The following CACNB2 variants were observed in gnomAD, a reference collection of about 807,000 sequenced individuals.
CACNB2 encodes voltage-dependent L-type calcium channel subunit beta-2.
A neutral mutation model predicts 73.3 loss-of-function variants in CACNB2; 42 were observed. The ratio of observed to expected loss-of-function variants is 0.57; its 90% CI spans 0.45 to 0.74. The LOEUF is 0.74. Ranked by LOEUF, CACNB2 falls within the 30% of genes least tolerant of loss-of-function variation. The pLI, the probability that CACNB2 is intolerant of heterozygous loss-of-function variation, is 0.00. For missense variants in CACNB2, 940 were observed against 853.0 expected (o/e 1.10, Z -1.27); for synonymous variants, 348 against 310.3 (o/e 1.12, Z -1.28).
intron 1 of CACNB2, among the ~76,000 whole-genome samples, chr10:18,146,838 G>T (rs548012155): frequency 6.6e-6 from 1 of 152,258 alleles, no homozygotes; most frequent in South Asian, 2.1e-4. Context: ...GGCCAGGCTA[G>T]TGTCAAACTC....
At chr10:18,227,087 A>G (rs977451727) in intron 2 of CACNB2, among the ~76,000 whole-genome samples, 20 of 152,224 alleles carry the variant, frequency 1.3e-4, no homozygotes, top group African/African-American at 4.6e-4. Context: ...AAAGACCATA[A>G]TGATAAAACA....
chr10:18,406,908 T>G (rs894569135), intron 3 of CACNB2, among the ~76,000 whole-genome samples: 2 of 151,950 alleles, frequency 1.3e-5, no homozygotes, highest in South Asian at 4.2e-4. Context: ...TGGAATACAG[T>G]GTATGCGACG....
intron 2 of CACNB2, among the ~76,000 whole-genome samples, chr10:18,355,744 C>T (rs2041882689): frequency 1.3e-5 from 2 of 151,238 alleles, no homozygotes; most frequent in African/African-American, 4.9e-5. Context: ...TCAAGCAATT[C>T]TCTGCCTCAG....
At chr10:18,417,437 C>T (rs1003500679) in intron 3 of CACNB2, among the ~76,000 whole-genome samples, 2 of 139,996 alleles carry the variant, frequency 1.4e-5, no homozygotes, top group Middle Eastern at 3.8e-3. Flanking sequence ...GGCGCGATCT[C>T]GGCTCACTGC....
At chr10:18,348,178 G>A (rs1486143801) in intron 2 of CACNB2, among the ~76,000 whole-genome samples, 5 of 152,062 alleles carry the variant, frequency 3.3e-5, no homozygotes, top group African/African-American at 9.7e-5. Context: ...ATAAAAACAC[G>A]TTTGCAACGA....
intron 2 of CACNB2, among the ~76,000 whole-genome samples, chr10:18,299,702 C>A (rs552667649): frequency 1.2e-4 from 18 of 152,004 alleles, no homozygotes; most frequent in Non-Finnish European, 2.4e-4. Context: ...CAGAGTCAGA[C>A]CCTGTCTCAA....
intron 3 of CACNB2, among the ~76,000 whole-genome samples, chr10:18,483,641 A>G (rs2048907571): frequency 6.6e-6 from 1 of 152,210 alleles, no homozygotes; most frequent in African/African-American, 2.4e-5. Flanking sequence ...ACCTCTGTGA[A>G]CTTAGCTAAA....
At chr10:18,323,448 C>A (rs1431131964) in intron 2 of CACNB2, among the ~76,000 whole-genome samples, 1 of 151,566 alleles carries the variant, frequency 6.6e-6, no homozygotes, top group Non-Finnish European at 1.5e-5. Context: ...TATAATATTC[C>A]ATTTTAGAAC....
At chr10:18,199,610 A>G (rs1215739293) in intron 2 of CACNB2, among the ~76,000 whole-genome samples, 1 of 152,202 alleles carries the variant, frequency 6.6e-6, no homozygotes, top group Non-Finnish European at 1.5e-5. Flanking sequence ...AAGGGTTTGG[A>G]TAATGTCAGA....
intron 2 of CACNB2, among the ~76,000 whole-genome samples, chr10:18,372,706 G>A (rs894126927): frequency 2.0e-4 from 31 of 151,944 alleles, no homozygotes; most frequent in Admixed American, 2.6e-4. Context: ...TGTGCCTAGC[G>A]CTGTTTTCAT....
intron 2 of CACNB2, among the ~76,000 whole-genome samples, chr10:18,364,029 C>T (rs1049140511): frequency 2.0e-5 from 3 of 150,412 alleles, no homozygotes; most frequent in Non-Finnish European, 4.4e-5. Context: ...CTCACTGAAA[C>T]CTCCGCCTCC....
intron 2 of CACNB2, among the ~76,000 whole-genome samples, chr10:18,375,907 T>G (rs1216674884): frequency 6.6e-6 from 1 of 152,168 alleles, no homozygotes; most frequent in Non-Finnish European, 1.5e-5. Flanking sequence ...AAAACCACCT[T>G]TACTAACCAC....
rs75450507 is a variant in CACNB2 at position 18,380,361 on chromosome 10, T to A, written c.214-21563T>A. On this transcript the variant is annotated intron_variant, in intron 2 of 13. Coordinates refer to ENST00000324631, the MANE Select transcript of CACNB2 (RefSeq NM_201596.3). ...TAACTAGGAGAACCAAAGTACATTC[T>A]TTGCATAGGGGTCAGGAACTATTTT... 4.6e-5 allele frequency among the ~76,000 whole-genome samples: 7 copies of A among 152,234 alleles called. No homozygotes were observed. The East Asian group carries it at 1.3e-3, about 29-fold the overall frequency.
intron 2 of CACNB2, among the ~76,000 whole-genome samples, chr10:18,315,439 T>C (rs186343927): frequency 7.0e-6 from 1 of 143,234 alleles, no homozygotes; most frequent in African/African-American, 2.6e-5. Context: ...GGCAGGAGGA[T>C]TGCTTGAGCC....
At position 18,543,429 on chromosome 10, in the gene CACNB2, T is replaced by C. The variant is rs186782208; in HGVS notation, c.*3705T>C. ...CGCTGTACTTTTAACTATTTGTACT[T>C]TGCTTCATTATTTAAAACATGACAC... On this transcript the variant is annotated 3_prime_UTR_variant, in exon 14 of 14. Coordinates refer to ENST00000324631, the MANE Select transcript of CACNB2 (RefSeq NM_201596.3). The C allele has an allele frequency of 6.6e-6, 1 of 152,348 alleles. No individual in the cohort carries two copies. The highest frequency in any genetic ancestry group is 2.4e-5 in the African/African-American group (1 of 41,584). The allele number at this position is 152,348 out of a possible 1,614,324, so 9.4% of individuals were successfully genotyped here.
At chr10:18,337,713 C>T (rs925269525) in intron 2 of CACNB2, among the ~76,000 whole-genome samples, 6 of 152,064 alleles carry the variant, frequency 3.9e-5, no homozygotes, top group Non-Finnish European at 8.8e-5. Flanking sequence ...CTGGATTTGG[C>T]ATTCATTATT....
At chr10:18,160,066 C>CT (rs762401259) in intron 2 of CACNB2, among the ~76,000 whole-genome samples, 1 of 152,036 alleles carries the variant, frequency 6.6e-6, no homozygotes. Flanking sequence ...AAACATTTTA[C>CT]TTTTTTCTTT....
At chr10:18,352,658 A>G (rs1204465565) in intron 2 of CACNB2, among the ~76,000 whole-genome samples, 1 of 152,250 alleles carries the variant, frequency 6.6e-6, no homozygotes, top group East Asian at 1.9e-4. Context: ...ATGAATTACA[A>G]GGGACTGCAT....
intron 2 of CACNB2, among the ~76,000 whole-genome samples, chr10:18,172,668 A>G (rs548570766): frequency 2.6e-5 from 4 of 152,220 alleles, no homozygotes; most frequent in African/African-American, 9.6e-5. Context: ...TTTTAGTGTC[A>G]TCAGCCTTCA....
Sources: allele counts gnomAD v4.1 joint callset (sites outside exome capture counted in the v4.1 genomes callset), GRCh38; gene constraint gnomAD v4.1.1; transcripts MANE v1.5; gene names NCBI Gene and HGNC (gene_info 2026-07-23, HGNC 2026-07-21).